PDLIM1: variants seen among roughly 807,000 people sequenced by gnomAD.
The protein encoded by PDLIM1 is PDZ and LIM domain protein 1.
PDLIM1 carries 25 observed loss-of-function variants against 35.2 expected under a neutral mutation model. That is an observed-to-expected ratio of 0.71 (90% CI 0.52 to 0.99). The LOEUF (loss-of-function observed/expected upper bound fraction) is 0.99, where lower values mean the gene tolerates loss of function less well. Ranked by LOEUF, PDLIM1 falls within the 50% of genes least tolerant of loss-of-function variation. The pLI, the probability that PDLIM1 is intolerant of heterozygous loss-of-function variation, is 0.00. For synonymous variants in PDLIM1, 152 were observed against 154.0 expected, an observed-to-expected ratio of 0.99 and a Z score of 0.10; for missense variants, 363 against 415.3, an observed-to-expected ratio of 0.87 and a Z score of 1.09.
chr10:95,267,382 T>C (rs2035425411), intron 3 of PDLIM1, among the ~76,000 whole-genome samples: 1 of 152,168 alleles, frequency 6.6e-6, no homozygotes, highest in Non-Finnish European at 1.5e-5. Context: ...AATTTAACAT[T>C]TATGGTAAAT....
At chr10:95,275,696 A>G (rs1460400780) in intron 1 of PDLIM1, among the ~76,000 whole-genome samples, 2 of 152,236 alleles carry the variant, frequency 1.3e-5, no homozygotes, top group African/African-American at 4.8e-5. Flanking sequence ...GATGAAAAAG[A>G]AGTTTCCTTT....
At chr10:95,264,118 G>A in intron 3 of PDLIM1, 55 bp from the exon 4 acceptor site, 2 of 1,464,908 alleles carry the variant, frequency 1.4e-6, no homozygotes, top group Non-Finnish European at 1.9e-6. Flanking sequence ...CAAACCCCTT[G>A]ATGGGCAGTG....
intron 5 of PDLIM1, among the ~76,000 whole-genome samples, chr10:95,241,460 A>T (rs566375403): frequency 1.1e-4 from 17 of 152,168 alleles, no homozygotes; most frequent in African/African-American, 3.9e-4. Context: ...TACTGGGGGC[A>T]GTTTTGTCTC....
At chr10:95,263,738 T>C in intron 4 of PDLIM1, 126 bp downstream of exon 4, 2 of 633,970 alleles carry the variant, frequency 3.2e-6, no homozygotes, top group South Asian at 4.0e-5. Context: ...AACACAGAAG[T>C]GTTCTGCTAA....
At chr10:95,278,848 A>G (rs1452507510) in intron 1 of PDLIM1, among the ~76,000 whole-genome samples, 1 of 152,150 alleles carries the variant, frequency 6.6e-6, no homozygotes, top group East Asian at 1.9e-4. Flanking sequence ...AAGCAAACCC[A>G]TTCAAGGGGT....
rs534304203 is a variant in PDLIM1 at position 95,267,589 on chromosome 10, TA to T, written c.333+1188del. 2.4e-4 allele frequency among the ~76,000 whole-genome samples: 37 copies of T among 152,338 alleles called. No homozygotes were observed. The East Asian group carries it at 6.4e-3, about 26-fold the overall frequency. On this transcript the variant is annotated intron_variant, in intron 3 of 6. Transcript: ENST00000329399. ...TTAAAATGACTCTTGGGATTTTTAA[TA>T]ATTATTTTTACTATCTTAATGGCAA... is the stretch of plus-strand genomic sequence containing the variant.
At chr10:95,249,106 G>A (rs970832771) in intron 4 of PDLIM1, among the ~76,000 whole-genome samples, 36 of 152,348 alleles carry the variant, frequency 2.4e-4, no homozygotes, top group African/African-American at 6.7e-4. Flanking sequence ...TCCCAGGCCC[G>A]GCTCAGTGCC....
chr10:95,282,786 TACA>T (rs947881996), intron 1 of PDLIM1, among the ~76,000 whole-genome samples: 22 of 152,004 alleles, frequency 1.4e-4, no homozygotes, highest in Admixed American at 6.5e-4. Context: ...CTACTAAAAA[TACA>T]AAAAATTAGC....
intron 1 of PDLIM1, among the ~76,000 whole-genome samples, chr10:95,280,888 T>C (rs555851512): frequency 6.6e-6 from 1 of 152,216 alleles, no homozygotes; most frequent in South Asian, 2.1e-4. Flanking sequence ...GATGAGGCAA[T>C]GGTTTTCAAA....
At chr10:95,246,100 C>T (rs1016547272) in intron 5 of PDLIM1, among the ~76,000 whole-genome samples, 5 of 152,172 alleles carry the variant, frequency 3.3e-5, no homozygotes, top group Non-Finnish European at 7.3e-5. Context: ...CAAGACCCCA[C>T]TGAAGTGCCC....
chr10:95,276,992 C>T lies in PDLIM1; in HGVS notation c.97-5208G>A, dbSNP rs1212958941. Among the ~76,000 whole-genome samples the T allele has an allele frequency of 3.3e-5, 5 of 150,266 alleles. No individual in the cohort carries two copies. The South Asian group carries it at 8.4e-4, about 25-fold the overall frequency. Reference sequence around the variant, plus strand: ...CTGTGGGAGACCAAGGTAAGTGGCTCGCCTTGAGCTCAGGAGTTCGAGACC... The same window carrying T: ...CTGTGGGAGACCAAGGTAAGTGGCTTGCCTTGAGCTCAGGAGTTCGAGACC... On this transcript the variant is annotated intron_variant, in intron 1 of 6. Coordinates refer to ENST00000329399, the MANE Select transcript of PDLIM1 (RefSeq NM_020992.4).
At chr10:95,238,766 A>C in intron 5 of PDLIM1, 81 bp from the exon 6 acceptor site, 1 of 857,574 alleles carries the variant, frequency 1.2e-6, no homozygotes, top group Non-Finnish European at 2.0e-6. Flanking sequence ...ACCACTTATA[A>C]ATATATGTTC....
At chr10:95,255,349 GA>G (rs2035303611) in intron 4 of PDLIM1, among the ~76,000 whole-genome samples, 1 of 136,478 alleles carries the variant, frequency 7.3e-6, no homozygotes, top group Admixed American at 7.4e-5. Context: ...AAAAGCTACA[GA>G]CTGATATTAC....
chr10:95,256,124 A>C (rs369321808), intron 4 of PDLIM1, among the ~76,000 whole-genome samples: 284 of 152,350 alleles, frequency 1.9e-3, no homozygotes, highest in African/African-American at 6.6e-3. Flanking sequence ...TACACTGAAT[A>C]GAGTACATTT....
chr10:95,260,088 A>G (rs2035347627), intron 4 of PDLIM1, among the ~76,000 whole-genome samples: 1 of 152,260 alleles, frequency 6.6e-6, no homozygotes, highest in African/African-American at 2.4e-5. Flanking sequence ...TAAAGTTAGC[A>G]ATAATTAGCA....
At chr10:95,270,526 G>A (rs1003083540) in intron 2 of PDLIM1, among the ~76,000 whole-genome samples, 8 of 152,110 alleles carry the variant, frequency 5.3e-5, no homozygotes, top group Admixed American at 4.6e-4. Flanking sequence ...TGCCTTTGCG[G>A]GACCCCTTCC....
At position 95,241,432 on chromosome 10, in the gene PDLIM1, C is replaced by T. The variant is rs187701051; in HGVS notation, c.686-2747G>A. ...CCCGCCCCTCTCTTGCCATGCTTAC[C>T]TCCAGTCAGTGGTTCCCTACTGGGG... is the stretch of plus-strand genomic sequence containing the variant. On this transcript the variant is annotated intron_variant, in intron 5 of 6. Transcript: ENST00000329399. Among the ~76,000 whole-genome samples, 426 of 152,292 alleles carry T rather than the reference C, an allele frequency of 2.8e-3. 2 individuals carry two copies. Among genetic ancestry groups the T allele is most frequent in the African/African-American group, 9.7e-3 (404 of 41,554 alleles).
intron 4 of PDLIM1, among the ~76,000 whole-genome samples, chr10:95,254,606 G>T (rs771269340): frequency 6.6e-6 from 1 of 152,124 alleles, no homozygotes; most frequent in Admixed American, 6.6e-5. Context: ...TAATCAGAGA[G>T]GATACAGAAA....
chr10:95,265,818 T>C (rs1304744566), intron 3 of PDLIM1, among the ~76,000 whole-genome samples: 1 of 151,998 alleles, frequency 6.6e-6, no homozygotes, highest in Non-Finnish European at 1.5e-5. Flanking sequence ...AGGAGGATCA[T>C]GTAAGCCCAT....
Sources: allele counts gnomAD v4.1 joint callset (sites outside exome capture counted in the v4.1 genomes callset), GRCh38; gene constraint gnomAD v4.1.1; transcripts MANE v1.5; gene names NCBI Gene and HGNC (gene_info 2026-07-23, HGNC 2026-07-21).